Variants in RBFOX1 observed in about 807,000 individuals in gnomAD.
The protein encoded by RBFOX1 is RNA binding protein fox-1 homolog 1.
In RBFOX1, 8 loss-of-function variants were observed where a neutral mutation model predicts 57.7. That is an observed-to-expected ratio of 0.14 (90% CI 0.08 to 0.25). RBFOX1 has a LOEUF of 0.25. RBFOX1 is among the 10% of genes least tolerant of loss of function. The pLI is 1.00. For synonymous variants in RBFOX1, 326 were observed against 222.4 expected (o/e 1.47, Z -4.15); for missense variants, 611 against 548.5 (o/e 1.11, Z -1.14).
intron 3 of RBFOX1, among the ~76,000 whole-genome samples, chr16:6,784,645 C>T (rs577097876): frequency 8.4e-4 from 127 of 151,584 alleles, no homozygotes; most frequent in African/African-American, 2.6e-3. Context: ...TTGGTGAGGT[C>T]GTGTTTTCCT....
intron 9 of RBFOX1, among the ~76,000 whole-genome samples, chr16:7,598,582 C>T (rs1028109740): frequency 6.6e-6 from 1 of 151,604 alleles, no homozygotes; most frequent in Non-Finnish European, 1.5e-5. Flanking sequence ...TTTCCTACCT[C>T]CCCCCTCACA....
At chr16:7,241,525 G>C (rs1164378466) in intron 4 of RBFOX1, among the ~76,000 whole-genome samples, 1 of 152,170 alleles carries the variant, frequency 6.6e-6, no homozygotes, top group African/African-American at 2.4e-5. Flanking sequence ...AAATTTCACA[G>C]CAAACACTTT....
At chr16:5,904,357 G>A (rs942132873) in intron 4 of RBFOX1, among the ~76,000 whole-genome samples, 1 of 152,076 alleles carries the variant, frequency 6.6e-6, no homozygotes, top group African/African-American at 2.4e-5. Flanking sequence ...CCCAGCAGAG[G>A]CTGCTCCATC....
At chr16:6,782,420 A>G (rs73530730) in intron 3 of RBFOX1, among the ~76,000 whole-genome samples, 14,844 of 152,160 alleles carry the variant, frequency 0.098, 1,146 homozygotes, top group East Asian at 0.23. Context: ...ATTCAGGAGC[A>G]TGTTATTTAA....
At position 7,408,280 on chromosome 16, in the gene RBFOX1, T is replaced by C. The variant is rs140053154; in HGVS notation, c.28-109867T>C. 8.8e-4 allele frequency among the ~76,000 whole-genome samples: 134 copies of C among 152,310 alleles called. No homozygotes were observed. The Middle Eastern group carries it at 0.01, about 12-fold the overall frequency. On this transcript the variant is annotated intron_variant, in intron 4 of 15. Coordinates refer to ENST00000550418, the MANE Select transcript of RBFOX1 (RefSeq NM_018723.4). ...CTCAGCTATGTTTAGTGAGATAAAT[T>C]GTGCTTCACTGCAGTGACTTGTAGA... is the stretch of plus-strand genomic sequence containing the variant.
At chr16:6,954,566 A>G (rs550214983) in intron 3 of RBFOX1, among the ~76,000 whole-genome samples, 137 of 152,270 alleles carry the variant, frequency 9.0e-4, no homozygotes, top group African/African-American at 3.2e-3. Context: ...GTCCACCCCA[A>G]TGCTATATTA....
At chr16:6,091,798 T>A (rs981545361) in intron 1 of RBFOX1, among the ~76,000 whole-genome samples, 7 of 152,162 alleles carry the variant, frequency 4.6e-5, no homozygotes, top group African/African-American at 1.7e-4. Flanking sequence ...GCCACTGCAC[T>A]CCACCCTGTA....
At chr16:7,447,536 C>T (rs904688780) in intron 4 of RBFOX1, among the ~76,000 whole-genome samples, 2 of 151,764 alleles carry the variant, frequency 1.3e-5, no homozygotes, top group African/African-American at 4.8e-5. Flanking sequence ...AAGTGATGGT[C>T]TCTGAAGCCT....
intron 2 of RBFOX1, among the ~76,000 whole-genome samples, chr16:5,515,162 A>C (rs74004359): frequency 6.6e-6 from 1 of 152,232 alleles, no homozygotes; most frequent in Non-Finnish European, 1.5e-5. Flanking sequence ...TCCCACTTCA[A>C]TACCGGGGAT....
chr16:7,247,984 C>T (rs892965953), intron 4 of RBFOX1, among the ~76,000 whole-genome samples: 1 of 152,144 alleles, frequency 6.6e-6, no homozygotes, highest in African/African-American at 2.4e-5. Flanking sequence ...AAGACAAACT[C>T]CCATGACACA....
chr16:7,177,167 AGGAGTAGTTTTCCCCACAT>A (rs2081843388), intron 4 of RBFOX1, among the ~76,000 whole-genome samples: 1 of 152,194 alleles, frequency 6.6e-6, no homozygotes, highest in African/African-American at 2.4e-5. Context: ...ATTTTTGTCC[AGGAGTAGTTTTCCCCACAT>A]GGAGAATAGC....
chr16:6,763,679 T>A (rs2154200694), intron 3 of RBFOX1, among the ~76,000 whole-genome samples: 1 of 152,354 alleles, frequency 6.6e-6, no homozygotes, highest in East Asian at 1.9e-4. Context: ...GGGTCTGTTT[T>A]AGGATTTACG....
intron 4 of RBFOX1, among the ~76,000 whole-genome samples, chr16:7,405,168 C>A (rs1434935079): frequency 1.3e-5 from 2 of 152,218 alleles, no homozygotes; most frequent in Non-Finnish European, 1.5e-5. Context: ...TTTATTTCCT[C>A]ATTCTAGCAA....
intron 3 of RBFOX1, among the ~76,000 whole-genome samples, chr16:6,945,369 T>C (rs2079296980): frequency 6.6e-6 from 1 of 152,168 alleles, no homozygotes; most frequent in South Asian, 2.1e-4. Flanking sequence ...ACATGGCCCA[T>C]TGCTGGTCTG....
rs562306962 is a variant in RBFOX1 at position 5,940,250 on chromosome 16, T to C, written c.351+72915T>C. Among the ~76,000 whole-genome samples the C allele has an allele frequency of 3.3e-5, 5 of 152,348 alleles. No individual in the cohort carries two copies. The South Asian group carries it at 8.3e-4, about 25-fold the overall frequency. ...GACCTTAGTTAGGCAAGTCACTTTC[T>C]ACTTCTGAGTCGCATCTTCCACCTA... On this transcript the variant is annotated intron_variant, in intron 4 of 19. Transcript: ENST00000641259.
At chr16:7,537,307 A>G (rs774213489) in intron 5 of RBFOX1, among the ~76,000 whole-genome samples, 7 of 152,218 alleles carry the variant, frequency 4.6e-5, no homozygotes, top group Non-Finnish European at 4.4e-5. Context: ...AATATACAGT[A>G]TTCACACCTG....
chr16:6,572,449 T>C (rs765669004), intron 2 of RBFOX1, among the ~76,000 whole-genome samples: 21 of 152,218 alleles, frequency 1.4e-4, no homozygotes, highest in Non-Finnish European at 2.5e-4. Context: ...TGGGCTCTTA[T>C]CTAAGAGACA....
At chr16:6,775,385 A>G (rs980320365) in intron 3 of RBFOX1, among the ~76,000 whole-genome samples, 1 of 151,346 alleles carries the variant, frequency 6.6e-6, no homozygotes, top group Non-Finnish European at 1.5e-5. Flanking sequence ...GACACACCCA[A>G]CTGTTAAGAC....
At chr16:6,982,709 C>G (rs553608160) in intron 3 of RBFOX1, among the ~76,000 whole-genome samples, 29 of 152,276 alleles carry the variant, frequency 1.9e-4, no homozygotes, top group African/African-American at 5.8e-4. Context: ...AGATGTGGAA[C>G]TGGCCAGGTG....
Sources: gnomAD v4.1 joint callset for allele counts (sites outside exome capture counted in the v4.1 genomes callset) on GRCh38, gnomAD v4.1.1 for gene constraint, MANE v1.5 for transcripts, NCBI Gene and HGNC (gene_info 2026-07-23, HGNC 2026-07-21) for gene names.